The following INPP4B variants were observed in gnomAD, a reference collection of about 807,000 sequenced individuals.
The protein encoded by INPP4B is inositol polyphosphate-4-phosphatase type II B.
In INPP4B, 55 loss-of-function variants were observed where a neutral mutation model predicts 122.5. The ratio of observed to expected loss-of-function variants is 0.45; its 90% confidence interval spans 0.36 to 0.56. The LOEUF is 0.56. Among genes scored for constraint, INPP4B ranks in the 20% least tolerant of loss-of-function variants. The pLI, the probability that INPP4B is intolerant of heterozygous loss-of-function variation, is 0.00. For synonymous variants in INPP4B, 403 were observed against 388.7 expected, an observed-to-expected ratio of 1.04 and a Z score of -0.43; for missense variants, 1,000 against 1,097.7, an observed-to-expected ratio of 0.91 and a Z score of 1.26.
intron 14 of INPP4B, among the ~76,000 whole-genome samples, chr4:142,205,777 T>C (rs1174796978): frequency 6.6e-6 from 1 of 152,166 alleles, no homozygotes; most frequent in Non-Finnish European, 1.5e-5. Flanking sequence ...CTTTTCATTT[T>C]GCCTATTAGA....
chr4:142,344,809 T>C (rs564544782), intron 7 of INPP4B, among the ~76,000 whole-genome samples: 1 of 152,016 alleles, frequency 6.6e-6, no homozygotes, highest in South Asian at 2.1e-4. Context: ...AAGCAAGCCC[T>C]CATGACACAA....
rs1156667536 is a variant in INPP4B at position 142,025,411 on chromosome 4, CTG to C, written c.*3369_*3370del. 1 of 152,112 alleles carries C rather than the reference CTG, an allele frequency of 6.6e-6. No individual in the cohort carries two copies. Among genetic ancestry groups the C allele is most frequent in the African/African-American group, 2.4e-5 (1 of 41,416 alleles). 9.4% of individuals were successfully genotyped at this position (152,112 alleles called of 1,614,324 possible). On this transcript the variant is annotated 3_prime_UTR_variant, in exon 26 of 26. Transcript: ENST00000262992. The stretch of plus-strand genomic sequence containing the variant: ...TTACATTGGTTTTTAATGTATTCCA[CTG>C]TGTTTTATAATTTCATATTTAATAA...
At chr4:142,504,450 ATC>A (rs1224689866) in intron 2 of INPP4B, among the ~76,000 whole-genome samples, 2 of 152,292 alleles carry the variant, frequency 1.3e-5, no homozygotes, top group East Asian at 3.9e-4. Context: ...ATCTAGCAAC[ATC>A]TGTTAGAATT....
At chr4:142,697,109 A>G (rs1307399592) in intron 2 of INPP4B, among the ~76,000 whole-genome samples, 1 of 152,200 alleles carries the variant, frequency 6.6e-6, no homozygotes, top group African/African-American at 2.4e-5. Context: ...TGTTGATGTC[A>G]ATCATAAGCA....
At chr4:142,151,875 C>T (rs919135717) in intron 17 of INPP4B, among the ~76,000 whole-genome samples, 1 of 152,142 alleles carries the variant, frequency 6.6e-6, no homozygotes, top group East Asian at 1.9e-4. Context: ...GCCGGCTCAG[C>T]GCTGAACATC....
chr4:142,636,158 T>G (rs983534386), intron 2 of INPP4B, among the ~76,000 whole-genome samples: 1 of 152,112 alleles, frequency 6.6e-6, no homozygotes, highest in Admixed American at 6.6e-5. Flanking sequence ...TGCTGCCCTG[T>G]GAAGAGGTGA....
intron 5 of INPP4B, chr4:142,423,688 T>C: frequency 2.9e-6 from 1 of 347,536 alleles, no homozygotes; most frequent in Non-Finnish European, 5.5e-6. Flanking sequence ...ACGGTACACA[T>C]CATTTACCTG....
rs77099194 is a variant in INPP4B at position 142,148,162 on chromosome 4, C to T, written c.1564-2166G>A. Among the ~76,000 whole-genome samples, 489 of 152,286 alleles carry T rather than the reference C, an allele frequency of 3.2e-3. 2 individuals are homozygous for T. Among genetic ancestry groups the T allele is most frequent in the African/African-American group, 0.011 (441 of 41,570 alleles). ...GAAAAAAAGGGGAGCAGGTTCCCCT[C>T]AATTTTCCAGACTAGCTTTGTTCAT... On this transcript the variant is annotated intron_variant, in intron 17 of 25. Coordinates refer to ENST00000262992, the MANE Select transcript of INPP4B (RefSeq NM_001101669.3).
intron 2 of INPP4B, among the ~76,000 whole-genome samples, chr4:142,617,412 CA>C (rs758781609): frequency 2.6e-5 from 4 of 152,048 alleles, no homozygotes; most frequent in Non-Finnish European, 2.9e-5. Flanking sequence ...CAGCTGGAGG[CA>C]AAATGCTCAA....
At chr4:142,190,013 C>T (rs1254116921) in intron 15 of INPP4B, among the ~76,000 whole-genome samples, 1 of 151,988 alleles carries the variant, frequency 6.6e-6, no homozygotes, top group Non-Finnish European at 1.5e-5. Context: ...CATTATGTGG[C>T]CAATGTATTA....
chr4:142,777,772 A>T (rs1774161710), intron 1 of INPP4B, among the ~76,000 whole-genome samples: 1 of 152,120 alleles, frequency 6.6e-6, no homozygotes, highest in Non-Finnish European at 1.5e-5. Context: ...CCAGAACACA[A>T]AGTTCTGGCT....
chr4:142,533,739 G>T (rs916264197), intron 2 of INPP4B, among the ~76,000 whole-genome samples: 1 of 152,070 alleles, frequency 6.6e-6, no homozygotes, highest in Non-Finnish European at 1.5e-5. Flanking sequence ...ATGTTTATAA[G>T]AATATGACCC....
intron 2 of INPP4B, among the ~76,000 whole-genome samples, chr4:142,522,258 T>C (rs754426814): frequency 1.3e-5 from 2 of 152,096 alleles, no homozygotes; most frequent in Non-Finnish European, 2.9e-5. Context: ...ATTTTTCAAA[T>C]TGAGAATTTT....
At chr4:142,145,124 T>A (rs1433925790) in intron 18 of INPP4B, among the ~76,000 whole-genome samples, 1 of 152,082 alleles carries the variant, frequency 6.6e-6, no homozygotes, top group Non-Finnish European at 1.5e-5. Flanking sequence ...AAAGAAAATT[T>A]CAAAGCCATT....
chr4:142,266,213 G>A (rs1407943382), intron 10 of INPP4B, among the ~76,000 whole-genome samples: 1 of 152,138 alleles, frequency 6.6e-6, no homozygotes, highest in Admixed American at 6.6e-5. Context: ...AAACAAACAA[G>A]GATGGAATGA....
At chr4:142,378,939 G>T (rs1219001235) in intron 7 of INPP4B, among the ~76,000 whole-genome samples, 1 of 152,120 alleles carries the variant, frequency 6.6e-6, no homozygotes, top group Non-Finnish European at 1.5e-5. Flanking sequence ...AAATGTAGTA[G>T]TTGCTAACAT....
chr4:142,371,946 C>T (rs192007693), intron 7 of INPP4B, among the ~76,000 whole-genome samples: 19 of 150,542 alleles, frequency 1.3e-4, no homozygotes, highest in East Asian at 3.9e-4. Flanking sequence ...TTTATCAAAA[C>T]GAAAGAAAAT....
chr4:142,031,913 A>C (rs77428298), intron 25 of INPP4B, among the ~76,000 whole-genome samples: 4,431 of 152,270 alleles, frequency 0.029, 221 homozygotes, highest in African/African-American at 0.1. Context: ...GATTTCAACA[A>C]TGTTTATTTT....
chr4:142,041,770 T>C, intron 25 of INPP4B, among the ~76,000 whole-genome samples: 1 of 152,214 alleles, frequency 6.6e-6, no homozygotes. Context: ...CAGCACAGCA[T>C]CCTTTGTTTT....
Sources: gnomAD v4.1 joint callset for allele counts (sites outside exome capture counted in the v4.1 genomes callset) on GRCh38, gnomAD v4.1.1 for gene constraint, MANE v1.5 for transcripts, NCBI Gene and HGNC (gene_info 2026-07-23, HGNC 2026-07-21) for gene names.